Variants in ADAMTS12 observed in about 807,000 individuals in gnomAD.
The protein encoded by ADAMTS12 is A disintegrin and metalloproteinase with thrombospondin motifs 12.
In ADAMTS12, 118 loss-of-function variants were observed where a neutral mutation model predicts 167.8. The observed-to-expected ratio is 0.70, with a 90% CI of 0.61 to 0.82. The LOEUF (loss-of-function observed/expected upper bound fraction) is 0.82, where lower values mean the gene tolerates loss of function less well. Ranked by LOEUF, ADAMTS12 falls within the 40% of genes least tolerant of loss-of-function variation. The probability of loss-of-function intolerance (pLI) is 0.00; values close to 1 mark genes in which losing one functional copy is unlikely to be tolerated. For synonymous variants in ADAMTS12, 704 were observed against 716.9 expected (o/e 0.98, Z 0.29); for missense variants, 1,916 against 1,998.8 (o/e 0.96, Z 0.79).
At chr5:33,845,580 T>C (rs181352573) in intron 2 of ADAMTS12, among the ~76,000 whole-genome samples, 2 of 152,376 alleles carry the variant, frequency 1.3e-5, no homozygotes, top group African/African-American at 2.4e-5. Context: ...ATAAATTGCA[T>C]GTCTGATGAG....
At chr5:33,816,624 C>T (rs1379685659) in intron 2 of ADAMTS12, among the ~76,000 whole-genome samples, 1 of 152,096 alleles carries the variant, frequency 6.6e-6, no homozygotes, top group Non-Finnish European at 1.5e-5. Context: ...CAGTTATGCA[C>T]TTAGTGCTGT....
rs763578276 is a variant in ADAMTS12, at chr5:33,576,171, C to G, written c.3855G>C (p.Leu1285=). Residue 1285 remains leucine (L), a synonymous_variant, in exon 19 of 24, where the codon CTG becomes CTC. Coordinates refer to ENST00000504830, the MANE Select transcript of ADAMTS12 (RefSeq NM_030955.4). ...MNQTKSSEPV[L]TEEDATSLIT... ...TCAGACTTGTTGCATCCTCCTCAGT[C>G]AGGACTGGTTCAGAACTTTTTGTTT... 1 of 1,614,218 alleles carries G rather than the reference C, an allele frequency of 6.2e-7. No homozygotes were observed. Among genetic ancestry groups the G allele is most frequent in the Non-Finnish European group, 8.5e-7 (1 of 1,180,036 alleles).
chr5:33,574,263 C>T (rs372879194), intron 19 of ADAMTS12, among the ~76,000 whole-genome samples: 5 of 149,410 alleles, frequency 3.3e-5, no homozygotes, highest in African/African-American at 9.8e-5. Context: ...ACCCAAAGGA[C>T]TATAAATCAT....
intron 1 of ADAMTS12, among the ~76,000 whole-genome samples, chr5:33,890,073 G>A (rs1347466464): frequency 6.6e-6 from 1 of 152,154 alleles, no homozygotes; most frequent in African/African-American, 2.4e-5. Flanking sequence ...CTAGATAGAG[G>A]TGACTAGGGA....
chr5:33,642,021 C>T, intron 10 of ADAMTS12, 66 bp from the exon 11 acceptor site: 2 of 1,474,044 alleles, frequency 1.4e-6, no homozygotes, highest in Non-Finnish European at 1.8e-6. Context: ...GAGCCAAGAG[C>T]CCTAAAAGTC....
chr5:33,571,228 G>T (rs1249842030), intron 19 of ADAMTS12, among the ~76,000 whole-genome samples: 2 of 152,106 alleles, frequency 1.3e-5, no homozygotes, highest in African/African-American at 4.8e-5. Context: ...ATTGAACTCA[G>T]CTCTGCACCA....
At chr5:33,887,456 G>A (rs1372736708) in intron 1 of ADAMTS12, among the ~76,000 whole-genome samples, 2 of 152,200 alleles carry the variant, frequency 1.3e-5, no homozygotes, top group Admixed American at 6.5e-5. Flanking sequence ...TCAATAAGGT[G>A]TGGGGTTGGG....
At position 33,576,508 on chromosome 5, in the gene ADAMTS12, T is replaced by C. The variant is rs761077657; in HGVS notation, c.3518A>G (p.Asn1173Ser). Residue 1173 changes from asparagine (N) to serine (S), a missense_variant, in exon 19 of 24, where the codon AAT becomes AGT. Asn to Ser is a conservative substitution (Grantham distance 46, BLOSUM62 1). Coordinates refer to ENST00000504830, the MANE Select transcript of ADAMTS12 (RefSeq NM_030955.4). Reference sequence around the variant, plus strand: ...TCTGATCTTGGTCCATATTACAGGATTGCTTTCATCTTTGTCCTCAGGCTG... The same window carrying C: ...TCTGATCTTGGTCCATATTACAGGACTGCTTTCATCTTTGTCCTCAGGCTG... ...REQPEDKDES[N>S]PVIWTKIRVP... 7.4e-6 allele frequency: 12 copies of C among 1,611,450 alleles called. No individual in the cohort carries two copies. The East Asian group carries it at 2.2e-4, about 30-fold the overall frequency.
intron 5 of ADAMTS12, among the ~76,000 whole-genome samples, chr5:33,675,476 T>C (rs1285259705): frequency 3.9e-5 from 6 of 152,194 alleles, no homozygotes; most frequent in Non-Finnish European, 7.3e-5. Flanking sequence ...GAGATAGTCA[T>C]TGATGAAGAG....
chr5:33,874,267 C>A (rs1467616318), intron 2 of ADAMTS12, among the ~76,000 whole-genome samples: 1 of 152,158 alleles, frequency 6.6e-6, no homozygotes, highest in Non-Finnish European at 1.5e-5. Context: ...AGAACAAAGA[C>A]CTTAACAGGA....
chr5:33,882,804 T>G (rs1423987593), intron 1 of ADAMTS12, among the ~76,000 whole-genome samples: 2 of 152,210 alleles, frequency 1.3e-5, no homozygotes, highest in Non-Finnish European at 2.9e-5. Flanking sequence ...TTGGTCAGGC[T>G]GGTCTTGAAC....
intron 13 of ADAMTS12, among the ~76,000 whole-genome samples, chr5:33,625,163 T>G (rs1358611563): frequency 6.6e-6 from 1 of 152,086 alleles, no homozygotes; most frequent in Non-Finnish European, 1.5e-5. Context: ...AAATACACCC[T>G]CTACCAGCTA....
At chr5:33,786,748 C>A (rs1350584992) in intron 2 of ADAMTS12, among the ~76,000 whole-genome samples, 1 of 152,168 alleles carries the variant, frequency 6.6e-6, no homozygotes, top group African/African-American at 2.4e-5. Context: ...TGTGGCAGTG[C>A]AACGTGGGAT....
At position 33,658,164 on chromosome 5, in the gene ADAMTS12, C is replaced by G; in HGVS notation, c.1190+20G>C. 1 of 1,612,408 alleles carries G rather than the reference C, an allele frequency of 6.2e-7. No individual in the cohort carries two copies. The highest frequency in any genetic ancestry group is 2.2e-5 in the East Asian group (1 of 44,860). ...ACACATGAATATGGTGAGCAAACCT[C>G]CCTATCATTGGCCCTTTACCTGTGT... On this transcript the variant is annotated intron_variant, in intron 7 of 23. Transcript: ENST00000504830.
At chr5:33,614,433 T>C in intron 15 of ADAMTS12, 57 bp from the exon 16 acceptor site, 3 of 1,593,292 alleles carry the variant, frequency 1.9e-6, no homozygotes. Context: ...CATAAGCCAG[T>C]CATGTAAAAA....
chr5:33,530,880 C>T (rs981369911), intron 23 of ADAMTS12, among the ~76,000 whole-genome samples: 13 of 152,152 alleles, frequency 8.5e-5, no homozygotes, highest in African/African-American at 3.1e-4. Context: ...GAAATGTACC[C>T]CAGAGTGGAA....
Position 33,751,667 on chromosome 5 carries a change from G to T in ADAMTS12, c.490-119C>A, listed in dbSNP as rs139834170. 2.3e-3 allele frequency: 2,145 copies of T among 925,952 alleles called. 6 individuals carry two copies. Among genetic ancestry groups the T allele is most frequent in the South Asian group, 4.1e-3 (238 of 58,550 alleles). 57.4% of individuals were successfully genotyped at this position (925,952 alleles called of 1,614,324 possible). On this transcript the variant is annotated intron_variant, in intron 2 of 23. Transcript: ENST00000504830. ...GAAACTCCTAAGACCAGTGCTTTCA[G>T]AGTCTGCTGTTCGATCTCATAGAAG...
intron 3 of ADAMTS12, among the ~76,000 whole-genome samples, chr5:33,695,418 C>A (rs904350424): frequency 1.3e-5 from 2 of 152,072 alleles, no homozygotes; most frequent in African/African-American, 4.8e-5. Flanking sequence ...ATCAGTAAAT[C>A]GTGACATAGA....
intron 14 of ADAMTS12, among the ~76,000 whole-genome samples, chr5:33,617,935 A>C (rs944623449): frequency 6.6e-6 from 1 of 152,350 alleles, no homozygotes; most frequent in Middle Eastern, 3.4e-3. Context: ...AGATAAAAGA[A>C]GGACCAGTAA....
Sources: gnomAD v4.1 joint callset for allele counts (sites outside exome capture counted in the v4.1 genomes callset) on GRCh38, gnomAD v4.1.1 for gene constraint, MANE v1.5 for transcripts, NCBI Gene and HGNC (gene_info 2026-07-23, HGNC 2026-07-21) for gene names.